PTPRT: variants seen among roughly 807,000 people sequenced by gnomAD.
The protein encoded by PTPRT is protein tyrosine phosphatase receptor type T, also known as receptor-type tyrosine-protein phosphatase T.
PTPRT carries 56 observed loss-of-function variants against 176.8 expected under a neutral mutation model. The ratio of observed to expected loss-of-function variants is 0.32; its 90% CI spans 0.26 to 0.40. PTPRT has a LOEUF of 0.40. Ranked by LOEUF, PTPRT falls within the 10% of genes least tolerant of loss-of-function variation. PTPRT has a pLI of 1.00. For synonymous variants in PTPRT, 783 were observed against 739.0 expected, an observed-to-expected ratio of 1.06 and a Z score of -0.96; for missense variants, 1,540 against 1,908.2, an observed-to-expected ratio of 0.81 and a Z score of 3.60.
At chr20:43,053,472 T>G (rs1443482378) in intron 1 of PTPRT, among the ~76,000 whole-genome samples, 1 of 152,178 alleles carries the variant, frequency 6.6e-6, no homozygotes, top group Non-Finnish European at 1.5e-5. Context: ...ATCCACTGAA[T>G]TAAAGCAATC....
At chr20:42,960,279 A>G (rs1441045141) in intron 1 of PTPRT, among the ~76,000 whole-genome samples, 1 of 152,182 alleles carries the variant, frequency 6.6e-6, no homozygotes, top group Non-Finnish European at 1.5e-5. Flanking sequence ...GAGAAGTCCA[A>G]GATCAAGGTG....
chr20:42,280,474 G>A (rs186099255), intron 13 of PTPRT, among the ~76,000 whole-genome samples: 7 of 152,230 alleles, frequency 4.6e-5, no homozygotes, highest in Middle Eastern at 3.4e-3. Context: ...ACCAGAATGC[G>A]GATGCTCTGA....
chr20:43,074,225 T>G (rs961859550), intron 1 of PTPRT, among the ~76,000 whole-genome samples: 3 of 152,232 alleles, frequency 2.0e-5, no homozygotes, highest in Non-Finnish European at 4.4e-5. Flanking sequence ...ACTTAACCAA[T>G]TCTTTTAATA....
intron 16 of PTPRT, among the ~76,000 whole-genome samples, chr20:42,195,837 C>A (rs928806698): frequency 6.6e-6 from 1 of 152,110 alleles, no homozygotes; most frequent in Non-Finnish European, 1.5e-5. Flanking sequence ...TACATACACA[C>A]CTTAATCATT....
intron 7 of PTPRT, among the ~76,000 whole-genome samples, chr20:42,552,937 A>G (rs1331092744): frequency 6.6e-6 from 1 of 152,166 alleles, no homozygotes; most frequent in African/African-American, 2.4e-5. Context: ...AGTCTCAGGT[A>G]CTGGCAGGCA....
intron 7 of PTPRT, among the ~76,000 whole-genome samples, chr20:42,573,354 C>T (rs1212743366): frequency 6.6e-6 from 1 of 152,154 alleles, no homozygotes; most frequent in African/African-American, 2.4e-5. Context: ...CAACTCCCTG[C>T]CCATGATGGT....
At chr20:42,610,782 C>G (rs1307294385) in intron 7 of PTPRT, among the ~76,000 whole-genome samples, 1 of 152,154 alleles carries the variant, frequency 6.6e-6, no homozygotes, top group African/African-American at 2.4e-5. Context: ...GTTATGCAGC[C>G]ATCATTGTAA....
chr20:42,623,352 G>A (rs1439675259), intron 7 of PTPRT, among the ~76,000 whole-genome samples: 1 of 152,192 alleles, frequency 6.6e-6, no homozygotes, highest in African/African-American at 2.4e-5. Context: ...TCCTAAACCT[G>A]CCTGTCTGTG....
In PTPRT at chr20:42,713,286, C is replaced by A. The variant is rs192200296; in HGVS notation, c.860-35127G>T. On this transcript the variant is annotated intron_variant, in intron 6 of 30. Transcript: ENST00000373187. ...TTTTTCTTTCTTTTGATTTTTTGAA[C>A]CACATAAATATATTACCACAAAAAA... Among the ~76,000 whole-genome samples, 5 of 151,834 alleles carry A rather than the reference C, an allele frequency of 3.3e-5. No homozygotes were observed. In the East Asian group the frequency reaches 9.7e-4, roughly 29 times the overall value.
intron 6 of PTPRT, among the ~76,000 whole-genome samples, chr20:42,725,009 T>TGTGTGTGTGTGTGTGTG (rs1569113401): frequency 1.9e-4 from 26 of 133,956 alleles, no homozygotes; most frequent in African/African-American, 6.3e-4. Context: ...TGGACATCTT[T>TGTGTGTGTGTGTGTGTG]TGTGTGTGTG....
chr20:42,267,999 G>A (rs2056867522), intron 13 of PTPRT, among the ~76,000 whole-genome samples: 1 of 152,176 alleles, frequency 6.6e-6, no homozygotes, highest in Non-Finnish European at 1.5e-5. Context: ...GCTGAGAGCT[G>A]AACTCAGCCT....
chr20:42,505,363 G>A (rs74167783), intron 7 of PTPRT, among the ~76,000 whole-genome samples: 1 of 152,048 alleles, frequency 6.6e-6, no homozygotes, highest in African/African-American at 2.4e-5. Context: ...GTGCAGCGGC[G>A]TGATGTCAGC....
intron 6 of PTPRT, among the ~76,000 whole-genome samples, chr20:42,753,529 C>A (rs1376985249): frequency 6.6e-6 from 1 of 152,136 alleles, no homozygotes; most frequent in Non-Finnish European, 1.5e-5. Context: ...AAGTGCCAAC[C>A]CCCCACTGTT....
intron 6 of PTPRT, among the ~76,000 whole-genome samples, chr20:42,735,123 C>T (rs143051816): frequency 9.8e-5 from 15 of 152,298 alleles, no homozygotes; most frequent in South Asian, 4.1e-4. Flanking sequence ...CTATTAGTAA[C>T]AGGCTTTGCT....
intron 7 of PTPRT, among the ~76,000 whole-genome samples, chr20:42,534,727 T>A (rs2072445846): frequency 6.6e-6 from 1 of 152,132 alleles, no homozygotes; most frequent in Admixed American, 6.5e-5. Context: ...TGAGTGACTC[T>A]GGTGCCAAAA....
intron 27 of PTPRT, among the ~76,000 whole-genome samples, chr20:42,086,751 A>ATATATATATAT (rs58059394): frequency 2.1e-5 from 2 of 96,570 alleles, no homozygotes; most frequent in South Asian, 3.7e-4. Flanking sequence ...AAAAAAAAAA[A>ATATATATATAT]AAATATATAT....
At chr20:42,340,213 G>A (rs1045110675) in intron 11 of PTPRT, among the ~76,000 whole-genome samples, 1 of 152,172 alleles carries the variant, frequency 6.6e-6, no homozygotes, top group South Asian at 2.1e-4. Flanking sequence ...ATAGCCACAT[G>A]TAGCTATTAA....
intron 13 of PTPRT, among the ~76,000 whole-genome samples, chr20:42,260,259 C>A (rs771687503): frequency 1.3e-5 from 2 of 152,188 alleles, no homozygotes; most frequent in Admixed American, 1.3e-4. Flanking sequence ...TTTCCCTCCC[C>A]ACCTTGACTC....
rs2078017623 is a variant in PTPRT, at chr20:42,827,638, G to C, written c.215-36172C>G. On this transcript the variant is annotated intron_variant, in intron 2 of 30. Transcript: ENST00000373187. Reference sequence around the variant, plus strand: ...CACCCAAATCTCATTGTGAATTGTAGTTCTCATAATCCCCACATGTCATGG... The same window carrying C: ...CACCCAAATCTCATTGTGAATTGTACTTCTCATAATCCCCACATGTCATGG... Among the ~76,000 whole-genome samples the C allele has an allele frequency of 4.6e-5, 7 of 152,282 alleles. No homozygotes were observed. The South Asian group carries it at 1.5e-3, about 32-fold the overall frequency.
Sources: gnomAD v4.1 joint callset for allele counts (sites outside exome capture counted in the v4.1 genomes callset) on GRCh38, gnomAD v4.1.1 for gene constraint, MANE v1.5 for transcripts, NCBI Gene and HGNC (gene_info 2026-07-23, HGNC 2026-07-21) for gene names.